PLCH1: variants seen among roughly 807,000 people sequenced by gnomAD.
The protein encoded by PLCH1 is 1-phosphatidylinositol 4,5-bisphosphate phosphodiesterase eta-1.
Under a neutral mutation model 126.7 loss-of-function variants are expected in PLCH1, and 60 were observed. The observed-to-expected ratio is 0.47, with a 90% CI of 0.38 to 0.59. The LOEUF (loss-of-function observed/expected upper bound fraction) is 0.59, where lower values mean the gene tolerates loss of function less well. Ranked by LOEUF, PLCH1 falls within the 20% of genes least tolerant of loss-of-function variation. The pLI, the probability that PLCH1 is intolerant of heterozygous loss-of-function variation, is 0.00. For missense variants in PLCH1, 1,723 were observed against 2,040.0 expected, an observed-to-expected ratio of 0.84 and a Z score of 2.99; for synonymous variants, 719 against 734.9, an observed-to-expected ratio of 0.98 and a Z score of 0.35.
At chr3:155,542,389 G>C (rs543207514) in intron 10 of PLCH1, among the ~76,000 whole-genome samples, 2 of 146,242 alleles carry the variant, frequency 1.4e-5, no homozygotes, top group African/African-American at 5.6e-5. Flanking sequence ...CTGGAAGCTC[G>C]AACTGGGTGG....
chr3:155,680,112 C>T (rs1406071314), intron 2 of PLCH1, among the ~76,000 whole-genome samples: 27 of 152,160 alleles, frequency 1.8e-4, no homozygotes, highest in Admixed American at 1.1e-3. Flanking sequence ...CGGCTGGGCG[C>T]GGTGGCTCAC....
chr3:155,720,530 G>A (rs972979177), intron 1 of PLCH1, among the ~76,000 whole-genome samples: 1 of 152,006 alleles, frequency 6.6e-6, no homozygotes, highest in Non-Finnish European at 1.5e-5. Flanking sequence ...TTTGAGAATT[G>A]TCTATTCATG....
chr3:155,563,776 A>G (rs1727943648), intron 8 of PLCH1, among the ~76,000 whole-genome samples: 1 of 152,126 alleles, frequency 6.6e-6, no homozygotes, highest in Admixed American at 6.6e-5. Context: ...GAAATTCCTC[A>G]CCATAGCACT....
intron 2 of PLCH1, among the ~76,000 whole-genome samples, chr3:155,617,758 G>C (rs951573119): frequency 7.9e-5 from 12 of 152,148 alleles, no homozygotes; most frequent in Admixed American, 3.3e-4. Flanking sequence ...GGAATCAGAG[G>C]TGATTTATAG....
intron 2 of PLCH1, among the ~76,000 whole-genome samples, chr3:155,610,134 C>T (rs890554265): frequency 3.9e-5 from 6 of 151,906 alleles, no homozygotes; most frequent in African/African-American, 9.6e-5. Flanking sequence ...CCAAGGCGGG[C>T]GGATCACCTG....
intron 10 of PLCH1, among the ~76,000 whole-genome samples, chr3:155,531,921 C>T (rs563566193): frequency 2.6e-5 from 4 of 152,334 alleles, no homozygotes; most frequent in African/African-American, 9.6e-5. Context: ...ATCCAGACCA[C>T]TCAAACTTTC....
Position 155,497,313 on chromosome 3 carries a change from T to A in PLCH1, c.1894+7A>T. On this transcript the variant is annotated splice_region_variant and intron_variant, in intron 15 of 22. Transcript: ENST00000460012. Reference sequence around the variant, plus strand: ...CAGAGCAGAATGAGAAAACTCTCCATCCTTACCGTCATCCACAATGTCCTG... The same window carrying A: ...CAGAGCAGAATGAGAAAACTCTCCAACCTTACCGTCATCCACAATGTCCTG... 6.4e-7 allele frequency: 1 copy of A among 1,573,914 alleles called. No homozygotes were observed. Among genetic ancestry groups the A allele is most frequent in the Non-Finnish European group, 8.7e-7 (1 of 1,143,504 alleles).
chr3:155,578,534 T>G (rs1730266397), intron 6 of PLCH1, among the ~76,000 whole-genome samples: 1 of 152,204 alleles, frequency 6.6e-6, no homozygotes. Context: ...AGTTACCTCA[T>G]TAGCATGAAC....
chr3:155,650,440 G>A lies in PLCH1; in HGVS notation c.79+53706C>T, dbSNP rs150143528. 5.7e-3 allele frequency among the ~76,000 whole-genome samples: 861 copies of A among 152,206 alleles called. 12 individuals carry two copies. Among genetic ancestry groups the A allele is most frequent in the African/African-American group, 0.02 (815 of 41,526 alleles). Reference sequence around the variant, plus strand: ...GAGATCATTACTGGCAGATCTAGTAGGAATCGCTATGACCAGGCGGCCAGA... The same window carrying A: ...GAGATCATTACTGGCAGATCTAGTAAGAATCGCTATGACCAGGCGGCCAGA... On this transcript the variant is annotated intron_variant, in intron 2 of 22. Transcript: ENST00000460012.
At chr3:155,527,643 T>C (rs783549) in intron 10 of PLCH1, among the ~76,000 whole-genome samples, 133,399 of 152,164 alleles carry the variant, frequency 0.88, 59,133 homozygotes, top group Middle Eastern at 0.95. Flanking sequence ...CAGCTGGGCA[T>C]GGTGGCTCAC....
In PLCH1 at chr3:155,482,778, G is replaced by A. The variant is rs1714380191; in HGVS notation, c.3248C>T (p.Ala1083Val). The change falls in exon 23 of 23, where the codon GCT becomes GTT. Residue 1083 changes from alanine (A) to valine (V), a missense_variant. Physicochemically the swap from Ala to Val is moderately conservative, Grantham distance 64. Coordinates refer to ENST00000460012, the MANE Select transcript of PLCH1 (RefSeq NM_014996.4). ...TGTGGGGTTAACTACAGGATCGGGA[G>A]CCAAATGCTGCTTTGGGGAGAGAGA... is the stretch of plus-strand genomic sequence containing the variant. ...SKSLSPKQHL[A>V]PDPVVNPTQD... 1.2e-6 allele frequency: 2 copies of A among 1,614,184 alleles called. No individual in the cohort carries two copies. Among genetic ancestry groups the A allele is most frequent in the Non-Finnish European group, 1.7e-6 (2 of 1,180,020 alleles).
At chr3:155,662,929 T>G (rs1339188122) in intron 2 of PLCH1, among the ~76,000 whole-genome samples, 1 of 152,162 alleles carries the variant, frequency 6.6e-6, no homozygotes, top group Non-Finnish European at 1.5e-5. Flanking sequence ...CTCCCAAAAT[T>G]CTGGGATTAC....
intron 1 of PLCH1, among the ~76,000 whole-genome samples, chr3:155,708,042 C>T (rs12053896): frequency 0.6 from 90,595 of 152,012 alleles, 27,452 homozygotes; most frequent in Non-Finnish European, 0.63. Context: ...TTCCCAGTTA[C>T]TGAGAACCTA....
At chr3:155,626,686 A>G (rs1737306525) in intron 2 of PLCH1, among the ~76,000 whole-genome samples, 3 of 147,246 alleles carry the variant, frequency 2.0e-5, no homozygotes, top group African/African-American at 7.4e-5. Context: ...GGAGAATGGC[A>G]TGAACCCGGG....
At chr3:155,589,659 T>C (rs1731842751) in intron 4 of PLCH1, among the ~76,000 whole-genome samples, 1 of 152,174 alleles carries the variant, frequency 6.6e-6, no homozygotes, top group Non-Finnish European at 1.5e-5. Flanking sequence ...GAGAATGGTC[T>C]GATAGAGAAA....
In PLCH1 at chr3:155,467,355, C is replaced by A. The variant is rs1314640862; in HGVS notation, c.2938+18001G>T. Among the ~76,000 whole-genome samples, 4 of 152,236 alleles carry A rather than the reference C, an allele frequency of 2.6e-5. No individual in the cohort carries two copies. The East Asian group carries it at 7.7e-4, about 29-fold the overall frequency. On this transcript the variant is annotated intron_variant, in intron 21 of 21. Transcript: ENST00000494598. ...TTGGACGGCTAAGGTGGGTGGGTCA[C>A]CTGGGCTCAAGAGTTCGAGACCAGC...
chr3:155,481,706 T>G lies in PLCH1; in HGVS notation c.4320A>C (p.Ser1440=), dbSNP rs1395436560. 9.9e-6 allele frequency: 16 copies of G among 1,614,060 alleles called. No individual in the cohort carries two copies. Among genetic ancestry groups the G allele is most frequent in the Non-Finnish European group, 1.4e-5 (16 of 1,180,042 alleles). Residue 1440 remains serine, a synonymous_variant, in exon 23 of 23, where the codon TCA becomes TCC. Coordinates refer to ENST00000460012, the MANE Select transcript of PLCH1 (RefSeq NM_014996.4). The surrounding 1 kb of genome is among the most constrained non-coding windows in gnomAD (Gnocchi z 4.2). ...QGAGFVHNHF[S]DSDAKMFQTC... ...TCTGGAACATTTTTGCATCTGAATC[T>G]GAGAAATGATTATGCACAAAGCCAG...
chr3:155,597,541 C>A (rs1240754097), intron 2 of PLCH1, among the ~76,000 whole-genome samples: 1 of 152,108 alleles, frequency 6.6e-6, no homozygotes, highest in Non-Finnish European at 1.5e-5. Flanking sequence ...GTTCTGAGTA[C>A]CTACCTTATC....
At chr3:155,491,260 G>GT (rs1716146272) in intron 18 of PLCH1, among the ~76,000 whole-genome samples, 1 of 151,968 alleles carries the variant, frequency 6.6e-6, no homozygotes, top group Admixed American at 6.6e-5. Context: ...TACGTTTTTT[G>GT]TTTTTTGTTA....
Sources: gnomAD v4.1 joint callset for allele counts (sites outside exome capture counted in the v4.1 genomes callset) on GRCh38, gnomAD v4.1.1 for gene constraint, Gnocchi (gnomAD v3.1) non-coding constraint, MANE v1.5 for transcripts, NCBI Gene and HGNC (gene_info 2026-07-23, HGNC 2026-07-21) for gene names.